APBB1IP: variants seen among roughly 807,000 people sequenced by gnomAD.
APBB1IP encodes the protein amyloid beta A4 precursor protein-binding family B member 1-interacting protein.
Under a neutral mutation model 64.9 loss-of-function variants are expected in APBB1IP, and 27 were observed. The observed-to-expected ratio is 0.42, with a 90% CI of 0.31 to 0.57. APBB1IP has a LOEUF of 0.57. APBB1IP is among the 20% of genes least tolerant of loss of function. APBB1IP has a pLI of 0.20. For missense variants in APBB1IP, 812 were observed against 845.5 expected (o/e 0.96, Z 0.49); for synonymous variants, 392 against 331.0 (o/e 1.18, Z -2.00).
intron 7 of APBB1IP, among the ~76,000 whole-genome samples, chr10:26,512,517 C>T (rs1384777774): frequency 7.9e-5 from 12 of 152,016 alleles, no homozygotes. Flanking sequence ...AGAGTTTCAG[C>T]CTCAGTGCAA....
intron 3 of APBB1IP, among the ~76,000 whole-genome samples, chr10:26,495,981 AAT>A (rs1026743521): frequency 7.0e-6 from 1 of 142,650 alleles, no homozygotes; most frequent in Non-Finnish European, 1.5e-5. Context: ...ATATAAATAT[AAT>A]ATATATATTA....
rs772819702 is a variant in APBB1IP, at chr10:26,498,119, C to T, written c.160+1728C>T. On this transcript the variant is annotated intron_variant, in intron 4 of 14. Coordinates refer to ENST00000376236, the MANE Select transcript of APBB1IP (RefSeq NM_019043.4). ...TTGATAAATTATAATATACATCTTG[C>T]GATTTTCTCTTTTTCCTACACTTTT... 3.9e-5 allele frequency among the ~76,000 whole-genome samples: 6 copies of T among 152,202 alleles called. No individual in the cohort carries two copies. The South Asian group carries it at 6.2e-4, about 16-fold the overall frequency.
rs536823319 is a variant in APBB1IP at position 26,459,432 on chromosome 10, T to G, written c.-1+20579T>G. On this transcript the variant is annotated intron_variant, in intron 2 of 14. Transcript: ENST00000376236. ...TGTGTCTTTATAGCAGCATGATTTATAGTCCTTTGGGTATATACCCAGTAA... is the reference window on the plus strand; with the variant it reads ...TGTGTCTTTATAGCAGCATGATTTAGAGTCCTTTGGGTATATACCCAGTAA... Among the ~76,000 whole-genome samples the G allele has an allele frequency of 2.6e-5, 4 of 152,280 alleles. No homozygotes were observed. The East Asian group carries it at 5.8e-4, about 22-fold the overall frequency.
intron 6 of APBB1IP, among the ~76,000 whole-genome samples, chr10:26,510,834 A>C (rs534242381): frequency 1.3e-5 from 2 of 151,970 alleles, no homozygotes; most frequent in South Asian, 4.2e-4. Context: ...GTCTACATTC[A>C]TTTCACTTAA....
chr10:26,548,759 T>C (rs894508911), intron 11 of APBB1IP, among the ~76,000 whole-genome samples: 2 of 152,310 alleles, frequency 1.3e-5, no homozygotes, highest in African/African-American at 4.8e-5. Flanking sequence ...TTTGAGATTT[T>C]CTACATATGA....
chr10:26,537,631 A>C (rs1836642113), intron 10 of APBB1IP, among the ~76,000 whole-genome samples: 1 of 152,174 alleles, frequency 6.6e-6, no homozygotes, highest in African/African-American at 2.4e-5. Context: ...CTGTGATGAG[A>C]ATTAAAAGTG....
intron 2 of APBB1IP, among the ~76,000 whole-genome samples, chr10:26,460,090 T>C (rs182494957): frequency 6.6e-6 from 1 of 152,314 alleles, no homozygotes; most frequent in Non-Finnish European, 1.5e-5. Context: ...AAATTCTTAA[T>C]TACAGTTCTT....
intron 2 of APBB1IP, among the ~76,000 whole-genome samples, chr10:26,465,928 C>T (rs947720): frequency 0.37 from 56,002 of 152,074 alleles, 10,378 homozygotes; most frequent in South Asian, 0.5. Context: ...CAACGAACCA[C>T]CCCAAACTTA....
At chr10:26,475,461 G>C (rs115391324) in intron 2 of APBB1IP, among the ~76,000 whole-genome samples, 68 of 152,288 alleles carry the variant, frequency 4.5e-4, no homozygotes, top group African/African-American at 1.6e-3. Flanking sequence ...GTACATGTCA[G>C]ATGTGCTGTG....
chr10:26,442,173 T>G (rs774264921), intron 2 of APBB1IP, among the ~76,000 whole-genome samples: 5 of 152,170 alleles, frequency 3.3e-5, no homozygotes, highest in Non-Finnish European at 7.3e-5. Flanking sequence ...GTCCCTGGTC[T>G]CCCCAACCAG....
Position 26,562,334 on chromosome 10 carries a change from A to G in APBB1IP, c.1378A>G (p.Thr460Ala). The G allele has an allele frequency of 1.2e-6, 2 of 1,613,472 alleles. No individual in the cohort carries two copies. Among genetic ancestry groups the G allele is most frequent in the African/African-American group, 1.3e-5 (1 of 75,008 alleles). The change falls in exon 14 of 15, where the codon ACA becomes GCA. Residue 460 changes from threonine to alanine, a missense_variant. Around this residue, in one of 3 missense-constraint regions of APBB1IP, gnomAD observed 381 missense variants for 352.1 expected, o/e 1.08. Coordinates refer to ENST00000376236, the MANE Select transcript of APBB1IP (RefSeq NM_019043.4). ...APAQPSTGPK[T>A]GTTQPNGQIP... ...CACTTCTTCCCTCTCAGGACCTAAA[A>G]CAGGCACCACCCAGCCCAATGGACA... is the stretch of plus-strand genomic sequence containing the variant.
intron 2 of APBB1IP, among the ~76,000 whole-genome samples, chr10:26,466,853 T>C (rs1043631710): frequency 2.0e-5 from 3 of 152,102 alleles, no homozygotes; most frequent in African/African-American, 7.2e-5. Context: ...GGAAGATTGC[T>C]TGAGCCCAGG....
At chr10:26,467,113 C>T (rs1163981614) in intron 2 of APBB1IP, among the ~76,000 whole-genome samples, 5 of 151,908 alleles carry the variant, frequency 3.3e-5, no homozygotes, top group Non-Finnish European at 7.4e-5. Flanking sequence ...ACCATGTTGG[C>T]CAGGCTGGTC....
intron 11 of APBB1IP, 36 bp downstream of exon 11, chr10:26,541,728 G>A (rs1373756716): frequency 1.4e-6 from 2 of 1,432,816 alleles, no homozygotes; most frequent in Non-Finnish European, 1.9e-6. Flanking sequence ...AGATTTATAA[G>A]CAATTTGAGT....
intron 2 of APBB1IP, among the ~76,000 whole-genome samples, chr10:26,445,030 G>A (rs1446134711): frequency 8.6e-5 from 13 of 151,224 alleles, no homozygotes; most frequent in South Asian, 2.1e-4. Context: ...CCCAGGAGGT[G>A]GAGATTTCAG....
At chr10:26,507,370 A>T (rs1046107062) in intron 6 of APBB1IP, among the ~76,000 whole-genome samples, 7 of 152,164 alleles carry the variant, frequency 4.6e-5, no homozygotes, top group Non-Finnish European at 1.0e-4. Flanking sequence ...ATGGCGGTTC[A>T]CACATGTAGT....
chr10:26,445,609 T>C (rs1005727861), intron 2 of APBB1IP, among the ~76,000 whole-genome samples: 15 of 152,240 alleles, frequency 9.9e-5, no homozygotes, highest in African/African-American at 3.6e-4. Flanking sequence ...CTTCCAAGAC[T>C]GTGCAGTTTA....
chr10:26,531,624 G>A (rs944350137), intron 8 of APBB1IP, among the ~76,000 whole-genome samples: 5 of 146,982 alleles, frequency 3.4e-5, no homozygotes, highest in African/African-American at 7.6e-5. Flanking sequence ...CCGAGATGGC[G>A]CCACTGGACT....
rs538751619 is a variant in APBB1IP, at chr10:26,551,467, G to A, written c.1156-8638G>A. Among the ~76,000 whole-genome samples, 666 of 152,308 alleles carry A rather than the reference G, an allele frequency of 4.4e-3. 3 individuals are homozygous for A. Among genetic ancestry groups the A allele is most frequent in the Non-Finnish European group, 7.4e-3 (501 of 68,026 alleles). On this transcript the variant is annotated intron_variant, in intron 11 of 14. Coordinates refer to ENST00000376236, the MANE Select transcript of APBB1IP (RefSeq NM_019043.4). ...GCGGGGCTTCCCAGTCTCACTCACG[G>A]TCAGTTTCCTTAGCCCTCATAAAGG...
Sources: allele counts gnomAD v4.1 joint callset (sites outside exome capture counted in the v4.1 genomes callset), GRCh38; gene constraint gnomAD v4.1.1; regional missense constraint gnomAD v4.1.1; transcripts MANE v1.5; gene names NCBI Gene and HGNC (gene_info 2026-07-23, HGNC 2026-07-21).